The following TMEM145 variants were observed in gnomAD, a reference collection of about 807,000 sequenced individuals.
The protein encoded by TMEM145 is transmembrane protein 145.
TMEM145 carries 46 observed loss-of-function variants against 68.5 expected under a neutral mutation model. That is an observed-to-expected ratio of 0.67 (90% CI 0.53 to 0.86). The LOEUF (loss-of-function observed/expected upper bound fraction) is 0.86, where lower values mean the gene tolerates loss of function less well. TMEM145 is among the 40% of genes least tolerant of loss of function. The pLI, the probability that TMEM145 is intolerant of heterozygous loss-of-function variation, is 0.00. For missense variants in TMEM145, 570 were observed against 645.8 expected (o/e 0.88, Z 1.27); for synonymous variants, 255 against 280.2 (o/e 0.91, Z 0.90).
chr19:42,324,689 T>C (rs1324640723), intron 14 of TMEM145, 48 bp from the exon 15 acceptor site: 2 of 674,264 alleles, frequency 3.0e-6, no homozygotes, highest in African/African-American at 5.8e-5. Flanking sequence ...CCCTCCCCTC[T>C]GTGCCAAACG....
At chr19:42,322,545 C>T (rs2038921239) in intron 13 of TMEM145, among the ~76,000 whole-genome samples, 1 of 152,092 alleles carries the variant, frequency 6.6e-6, no homozygotes, top group South Asian at 2.1e-4. Context: ...GCTTTCAGCT[C>T]CTTGTTCATT....
chr19:42,324,458 G>A (rs1428640379), intron 14 of TMEM145: 2 of 985,296 alleles, frequency 2.0e-6, no homozygotes, highest in Non-Finnish European at 2.4e-6. Context: ...CCAGACGGCA[G>A]CGCCGCACAC....
chr19:42,314,779 C>T lies in TMEM145; in HGVS notation c.361-13C>T, dbSNP rs369573468. On this transcript the variant is annotated splice_polypyrimidine_tract_variant and intron_variant, in intron 4 of 14. Coordinates refer to ENST00000301204, the MANE Select transcript of TMEM145 (RefSeq NM_173633.3). ...CATCAAGGACAGGCTTCAGCCTTCT[C>T]GTTTGTCCCCAGGTGGTATCAGAGG... 40 of 1,614,080 alleles carry T rather than the reference C, an allele frequency of 2.5e-5. 1 individual carries two copies. The highest frequency in any genetic ancestry group is 6.7e-5 in the African/African-American group (5 of 74,920).
intron 5 of TMEM145, 46 bp from the exon 6 acceptor site, chr19:42,314,947 C>T (rs758679742): frequency 1.2e-6 from 2 of 1,613,638 alleles, no homozygotes; most frequent in Non-Finnish European, 1.7e-6. Flanking sequence ...TCCTGCCAAC[C>T]CCCAACTTGC....
Position 42,324,758 on chromosome 19 carries a change from G to A in TMEM145, c.1423G>A (p.Asp475Asn). 1.9e-6 allele frequency: 3 copies of A among 1,560,470 alleles called. No individual in the cohort carries two copies. The highest frequency in any genetic ancestry group is 1.7e-6 in the Non-Finnish European group (2 of 1,161,898). ...ATSPLPRAAP[D>N]SGLPLFRDLR... is the part of the protein sequence containing the mutation. ...TCAGCCCCTGCCCCGAGCGGCGCCG[G>A]ATTCTGGGCTCCCGCTGTTCCGTGA... The change falls in exon 15 of 15, where the codon GAT becomes AAT. Residue 475 changes from aspartate (D) to asparagine (N), a missense_variant. Physicochemically the swap from Asp to Asn is conservative, Grantham distance 23. Transcript: ENST00000301204.
chr19:42,318,367 C>CA (rs112206821), intron 12 of TMEM145, among the ~76,000 whole-genome samples: 2,127 of 66,638 alleles, frequency 0.032, 69 homozygotes, highest in African/African-American at 0.097. Context: ...GACTCCATCT[C>CA]AAAAAAAAAA....
At chr19:42,316,448 C>G (rs769894770) in intron 8 of TMEM145, 33 bp from the exon 9 acceptor site, 2 of 1,604,654 alleles carry the variant, frequency 1.2e-6, no homozygotes, top group African/African-American at 1.3e-5. Flanking sequence ...GAGCTGCTTT[C>G]TATCCTTTCT....
intron 1 of TMEM145, 108 bp from the exon 2 acceptor site, chr19:42,314,164 T>C: frequency 8.6e-7 from 1 of 1,164,536 alleles, no homozygotes; most frequent in East Asian, 2.3e-5. Context: ...CTCCTTCTAG[T>C]ACTTGGGAAG....
In TMEM145 at chr19:42,315,425, G is replaced by C. The variant is rs1368565074; in HGVS notation, c.631G>C (p.Ala211Pro). The C allele has an allele frequency of 6.2e-7, 1 of 1,614,140 alleles. No individual in the cohort carries two copies. Residue 211 changes from alanine to proline, a missense_variant, in exon 8 of 15, where the codon GCA becomes CCA. Coordinates refer to ENST00000301204, the MANE Select transcript of TMEM145 (RefSeq NM_173633.3). ...CACAACTTATAAAATGTTCATGGCC[G>C]CAGCAGGAGTAGAGGGTGAGGTTCC... ...LHTTYKMFMAAAGVEVLSLLF... is the reference protein window; with the variant it reads ...LHTTYKMFMAPAGVEVLSLLF...
chr19:42,315,813 C>T (rs1200323307), intron 8 of TMEM145, among the ~76,000 whole-genome samples: 9 of 152,054 alleles, frequency 5.9e-5, no homozygotes, highest in African/African-American at 1.4e-4. Flanking sequence ...GGGCGGATCA[C>T]GAGGCCAGGA....
At chr19:42,322,120 A>G (rs1371365902) in intron 13 of TMEM145, among the ~76,000 whole-genome samples, 1 of 152,066 alleles carries the variant, frequency 6.6e-6, no homozygotes, top group Non-Finnish European at 1.5e-5. Context: ...GAGTGGGCCC[A>G]GCCACCGAGG....
rs1305049878 is a variant in TMEM145 at position 42,313,348 on chromosome 19, GGAGCGGAGCCGGGGCCGGAGC to G, written c.-27_-7del. On this transcript the variant is annotated 5_prime_UTR_variant, in exon 1 of 15. Transcript: ENST00000301204. The surrounding 1 kb of genome is among the most constrained non-coding windows in gnomAD (Gnocchi z 5.1). Reference sequence around the variant, plus strand: ...CCATTGCCGGGCCAGTGCGGGAGCCGGAGCGGAGCCGGGGCCGGAGCGGGCGGAATGGAGCCCCTGCGCGCG... The same window carrying G: ...CCATTGCCGGGCCAGTGCGGGAGCCGGGGCGGAATGGAGCCCCTGCGCGCG... 6.4e-5 allele frequency: 60 copies of G among 944,206 alleles called. No homozygotes were observed. Among genetic ancestry groups the G allele is most frequent in the Non-Finnish European group, 8.3e-5 (60 of 720,820 alleles). The allele number at this position is 944,206 out of a possible 1,614,324, so 58.5% of individuals were successfully genotyped here. A position where few individuals can be genotyped will look rare whatever the true frequency, so the allele number is the denominator to read the frequency against.
At chr19:42,323,379 A>T (rs1225526559) in intron 13 of TMEM145, among the ~76,000 whole-genome samples, 1 of 152,232 alleles carries the variant, frequency 6.6e-6, no homozygotes. Flanking sequence ...CTGATGGAGG[A>T]AGCACAGGCC....
rs1322768561 is a variant in TMEM145 at position 42,314,523 on chromosome 19, G to C, written c.268G>C (p.Asp90His). 1 of 1,614,096 alleles carries C rather than the reference G, an allele frequency of 6.2e-7. No homozygotes were observed. Among genetic ancestry groups the C allele is most frequent in the Non-Finnish European group, 8.5e-7 (1 of 1,180,036 alleles). Reference protein sequence around the residue: ...SQWPAVYKAGDKDCLAKESVI... With the variant: ...SQWPAVYKAGHKDCLAKESVI... ...GTGGCCAGCCGTGTACAAGGCAGGGGACAAGGTGAGGGCTGTGAAGAGGGC... is the reference window on the plus strand; with the variant it reads ...GTGGCCAGCCGTGTACAAGGCAGGGCACAAGGTGAGGGCTGTGAAGAGGGC... Residue 90 changes from aspartate to histidine, a missense_variant, in exon 3 of 15, where the codon GAC becomes CAC. Transcript: ENST00000301204.
At position 42,316,911 on chromosome 19, in the gene TMEM145, A is replaced by G. The variant is rs781522825; in HGVS notation, c.848A>G (p.Tyr283Cys). 2 of 1,613,808 alleles carry G rather than the reference A, an allele frequency of 1.2e-6. No individual in the cohort carries two copies. The highest frequency in any genetic ancestry group is 1.1e-5 in the South Asian group (1 of 91,072). ...SHAGSVKLSV[Y>C]MTLYTLTHVV... ...GCGGGCTCCGTGAAGTTGTCTGTCT[A>G]CATGACCCTGTACACGCTCACCCAT... Residue 283 changes from tyrosine to cysteine, a missense_variant, in exon 11 of 15, where the codon TAC becomes TGC. Tyr to Cys is a radical substitution (Grantham distance 194). Transcript: ENST00000301204.
chr19:42,318,956 C>T (rs1339086154), intron 12 of TMEM145, among the ~76,000 whole-genome samples: 1 of 152,020 alleles, frequency 6.6e-6, no homozygotes, highest in African/African-American at 2.4e-5. Context: ...TGGTGGTGCA[C>T]GCCTGTACTG....
chr19:42,319,248 C>T (rs1014482930), intron 12 of TMEM145, among the ~76,000 whole-genome samples: 2 of 152,178 alleles, frequency 1.3e-5, no homozygotes, highest in African/African-American at 4.8e-5. Flanking sequence ...TGACCTCAGA[C>T]GAGCCCATTA....
At chr19:42,315,316 G>C in intron 7 of TMEM145, 56 bp from the exon 8 acceptor site, 2 of 1,614,116 alleles carry the variant, frequency 1.2e-6, no homozygotes, top group Non-Finnish European at 1.7e-6. Flanking sequence ...GGTTGGGGGA[G>C]GTGAGCTGCT....
chr19:42,322,934 C>T (rs1025108824), intron 13 of TMEM145, among the ~76,000 whole-genome samples: 1 of 152,152 alleles, frequency 6.6e-6, no homozygotes, highest in African/African-American at 2.4e-5. Context: ...CTCCTGACCT[C>T]AGGTGATCCG....
Sources: allele counts gnomAD v4.1 joint callset (sites outside exome capture counted in the v4.1 genomes callset), GRCh38; gene constraint gnomAD v4.1.1; non-coding constraint Gnocchi (gnomAD v3.1); transcripts MANE v1.5; gene names NCBI Gene and HGNC (gene_info 2026-07-23, HGNC 2026-07-21).